The following GCNT4 variants were observed in gnomAD, a reference collection of about 807,000 sequenced individuals.
GCNT4 encodes the protein glucosaminyl (N-acetyl) transferase 4, also known as beta-1,3-galactosyl-O-glycosyl-glycoprotein beta-1,6-N-acetylglucosaminyltransferase 4.
GCNT4 carries 17 observed loss-of-function variants against 31.3 expected under a neutral mutation model. That is an observed-to-expected ratio of 0.54 (90% confidence interval 0.37 to 0.81). The LOEUF (loss-of-function observed/expected upper bound fraction) is 0.81, where lower values mean the gene tolerates loss of function less well. Among genes scored for constraint, GCNT4 ranks in the 40% least tolerant of loss-of-function variants. GCNT4 has a pLI of 0.00. For missense variants in GCNT4, 503 were observed against 525.5 expected (o/e 0.96, Z 0.42); for synonymous variants, 158 against 190.6 (o/e 0.83, Z 1.41).
Position 75,027,563 on chromosome 5 carries a change from A to T in GCNT4, c.*1113T>A, listed in dbSNP as rs1400953396. The T allele has an allele frequency of 6.6e-6, 1 of 151,634 alleles. No homozygotes were observed. Among genetic ancestry groups the T allele is most frequent in the Non-Finnish European group, 1.5e-5 (1 of 67,834 alleles). The allele number at this position is 151,634 out of a possible 1,614,324, so 9.4% of individuals were successfully genotyped here. On this transcript the variant is annotated 3_prime_UTR_variant, in exon 4 of 4. Transcript: ENST00000652361. ...ATTAGCTTTTTTCTCTCTGGAACTA[A>T]GCTGAGAAAAAGACTGCAAGAAACT...
chr5:75,036,814 C>G (rs942255531), intron 3 of GCNT4, among the ~76,000 whole-genome samples: 3 of 152,200 alleles, frequency 2.0e-5, no homozygotes, highest in African/African-American at 7.2e-5. Flanking sequence ...AGGGACTCTG[C>G]CATTGGTTAC....
chr5:75,053,110 CGCCCGCT>C (rs1267868388), upstream of GCNT4, among the ~76,000 whole-genome samples: 2 of 151,912 alleles, frequency 1.3e-5, no homozygotes, highest in Admixed American at 6.6e-5. Context: ...CCGCGCCCGC[CGCCCGCT>C]GCCCTTTCCC....
intron 3 of GCNT4, among the ~76,000 whole-genome samples, chr5:75,031,060 A>G (rs982615355): frequency 2.0e-5 from 3 of 151,898 alleles, no homozygotes; most frequent in African/African-American, 7.3e-5. Context: ...AAGAACATAC[A>G]TTAGCAAACT....
At chr5:75,048,374 A>G (rs1303497716) in intron 2 of GCNT4, among the ~76,000 whole-genome samples, 1 of 152,180 alleles carries the variant, frequency 6.6e-6, no homozygotes, top group Non-Finnish European at 1.5e-5. Context: ...ACACGTGCAA[A>G]AAATTAACTG....
intron 3 of GCNT4, among the ~76,000 whole-genome samples, chr5:75,043,925 T>C (rs1019038969): frequency 6.6e-6 from 1 of 152,194 alleles, no homozygotes; most frequent in Non-Finnish European, 1.5e-5. Flanking sequence ...TTCTCATCCA[T>C]CTATATTTAG....
intron 3 of GCNT4, among the ~76,000 whole-genome samples, chr5:75,042,094 T>A (rs755380336): frequency 4.6e-5 from 7 of 152,214 alleles, no homozygotes; most frequent in Non-Finnish European, 1.0e-4. Flanking sequence ...AAGGGGTGAA[T>A]GAATGCATTA....
chr5:75,019,044 T>C, the GCNT4 span, among the ~76,000 whole-genome samples: 2 of 152,316 alleles, frequency 1.3e-5, no homozygotes, highest in East Asian at 1.9e-4. Context: ...TTTGTTGCTA[T>C]AGACTGAATG....
intron 3 of GCNT4, among the ~76,000 whole-genome samples, chr5:75,032,716 A>G: frequency 6.6e-6 from 1 of 152,168 alleles, no homozygotes; most frequent in East Asian, 1.9e-4. Flanking sequence ...CTCAGGCTCA[A>G]GGCCAGGGTT....
intron 3 of GCNT4, among the ~76,000 whole-genome samples, chr5:75,047,456 T>C (rs1013475804): frequency 3.9e-5 from 6 of 152,192 alleles, no homozygotes; most frequent in South Asian, 2.1e-4. Context: ...CTGGATTTTA[T>C]TGAGATGTTG....
At chr5:75,046,144 A>C (rs1743432914) in intron 3 of GCNT4, among the ~76,000 whole-genome samples, 1 of 152,050 alleles carries the variant, frequency 6.6e-6, no homozygotes, top group Non-Finnish European at 1.5e-5. Context: ...ATTAGTGTCT[A>C]CCTTGTGTAT....
intron 3 of GCNT4, among the ~76,000 whole-genome samples, chr5:75,043,958 A>G (rs1185985098): frequency 6.6e-6 from 1 of 152,172 alleles, no homozygotes; most frequent in African/African-American, 2.4e-5. Flanking sequence ...GCTTTAGGTA[A>G]ATATCTGAAG....
At chr5:75,047,291 A>G (rs1317443480) in intron 3 of GCNT4, among the ~76,000 whole-genome samples, 1 of 152,262 alleles carries the variant, frequency 6.6e-6, no homozygotes, top group Non-Finnish European at 1.5e-5. Flanking sequence ...CTTCCCTACA[A>G]CAGAGATTTA....
In GCNT4 at chr5:75,029,568, T is replaced by G. The variant is rs763083045; in HGVS notation, c.470A>C (p.His157Pro). The change falls in exon 4 of 4, where the codon CAC (histidine) becomes CCC (proline). Residue 157 changes from histidine to proline, a missense_variant. His to Pro is a moderately conservative substitution (Grantham distance 77). Transcript: ENST00000652361. ...ERLIHAIYNQ[H>P]NIYCIHYDRK... is the part of the protein sequence containing the mutation. ...ATCATAATGGATGCAGTAAATATTG[T>G]GCTGGTTGTATATAGCATGGATAAG... 2 of 1,614,086 alleles carry G rather than the reference T, an allele frequency of 1.2e-6. No individual in the cohort carries two copies. The highest frequency in any genetic ancestry group is 2.7e-5 in the African/African-American group (2 of 74,956).
chr5:75,033,082 T>C (rs1189921076), intron 3 of GCNT4, among the ~76,000 whole-genome samples: 2 of 152,182 alleles, frequency 1.3e-5, no homozygotes, highest in Admixed American at 1.3e-4. Context: ...GACACCACAG[T>C]GGTAAAAAGA....
At chr5:75,053,322 C>A (rs1743631300), upstream of GCNT4, among the ~76,000 whole-genome samples, 1 of 152,024 alleles carries the variant, frequency 6.6e-6, no homozygotes, top group African/African-American at 2.4e-5. Context: ...AGCCCGGTTC[C>A]CCGCGCGGCT....
At chr5:75,038,671 T>A (rs1183115089) in intron 3 of GCNT4, among the ~76,000 whole-genome samples, 2 of 152,114 alleles carry the variant, frequency 1.3e-5, no homozygotes, top group African/African-American at 4.8e-5. Flanking sequence ...GAGAGGTGAA[T>A]GAGCTCCCCC....
At chr5:75,025,029 G>T (rs1028202207), downstream of GCNT4, among the ~76,000 whole-genome samples, 11 of 146,972 alleles carry the variant, frequency 7.5e-5, no homozygotes, top group African/African-American at 2.7e-4. Context: ...GAGATAAAAA[G>T]TTCAACCTAC....
chr5:75,040,770 C>T (rs1743298965), intron 3 of GCNT4, among the ~76,000 whole-genome samples: 1 of 152,148 alleles, frequency 6.6e-6, no homozygotes, highest in Admixed American at 6.5e-5. Context: ...TAAAACAGTA[C>T]ATTCATTATT....
intron 3 of GCNT4, among the ~76,000 whole-genome samples, chr5:75,041,660 T>C (rs1376108756): frequency 1.3e-5 from 2 of 152,246 alleles, no homozygotes; most frequent in African/African-American, 4.8e-5. Context: ...CTCAAGGTCA[T>C]TGGAAATCTG....
Sources: allele counts gnomAD v4.1 joint callset (sites outside exome capture counted in the v4.1 genomes callset), GRCh38; gene constraint gnomAD v4.1.1; transcripts MANE v1.5; gene names NCBI Gene and HGNC (gene_info 2026-07-23, HGNC 2026-07-21).